Variants in AUTS2 observed in about 807,000 individuals in gnomAD.
AUTS2 encodes autism susceptibility gene 2 protein.
AUTS2 carries 17 observed loss-of-function variants against 112.4 expected under a neutral mutation model. That is an observed-to-expected ratio of 0.15 (90% CI 0.10 to 0.23). AUTS2 has a LOEUF of 0.23. AUTS2 is among the 10% of genes least tolerant of loss of function. The pLI is 1.00. For synonymous variants in AUTS2, 751 were observed against 702.7 expected, an observed-to-expected ratio of 1.07 and a Z score of -1.09; for missense variants, 1,510 against 1,701.6, an observed-to-expected ratio of 0.89 and a Z score of 1.98.
At chr7:69,787,169 G>T (rs559857045) in intron 1 of AUTS2, among the ~76,000 whole-genome samples, 1 of 152,310 alleles carries the variant, frequency 6.6e-6, no homozygotes, top group African/African-American at 2.4e-5. Flanking sequence ...ACACTGATTT[G>T]CTCCTGACGT....
chr7:70,329,270 T>G (rs1790637574), intron 4 of AUTS2, among the ~76,000 whole-genome samples: 1 of 152,182 alleles, frequency 6.6e-6, no homozygotes, highest in African/African-American at 2.4e-5. Context: ...ATGTACCTCG[T>G]TTTGGTTCTT....
At chr7:70,229,287 G>A in intron 4 of AUTS2, among the ~76,000 whole-genome samples, 1 of 151,976 alleles carries the variant, frequency 6.6e-6, no homozygotes, top group East Asian at 1.9e-4. Flanking sequence ...GTCTTTAATA[G>A]GGGATTTCTT....
intron 1 of AUTS2, among the ~76,000 whole-genome samples, chr7:69,832,807 T>C (rs570242916): frequency 2.0e-5 from 3 of 152,276 alleles, no homozygotes; most frequent in African/African-American, 7.2e-5. Flanking sequence ...ATACCTTCTA[T>C]CCCTAACAAC....
rs904323092 is a variant in AUTS2 at position 69,599,517 on chromosome 7, C to A, written c.-137C>A. The A allele has an allele frequency of 1.3e-6, 1 of 768,306 alleles. No individual in the cohort carries two copies. The highest frequency in any genetic ancestry group is 1.8e-5 in the African/African-American group (1 of 55,042). 47.6% of individuals were successfully genotyped at this position (768,306 alleles called of 1,614,324 possible). On this transcript the variant is annotated 5_prime_UTR_variant, in exon 1 of 19. Transcript: ENST00000342771. This position sits in a 1 kb window ranked among gnomAD's most constrained non-coding sequence, Gnocchi z 7.0. ...CTTCCCCTCTCTCCCTTCTTTCGGC[C>A]GCCGTCTCCCCCGCGCCCTCCTCGG...
At chr7:70,571,944 T>TTAA (rs1801960403) in intron 5 of AUTS2, among the ~76,000 whole-genome samples, 2 of 152,182 alleles carry the variant, frequency 1.3e-5, no homozygotes. Flanking sequence ...CTTTGGGGTA[T>TTAA]TAATGACTGT....
rs1789683320 is a variant in AUTS2, at chr7:70,763,193, C to T, written c.1066C>T (p.Pro356Ser). 1 of 1,614,070 alleles carries T rather than the reference C, an allele frequency of 6.2e-7. No individual in the cohort carries two copies. Among genetic ancestry groups the T allele is most frequent in the Non-Finnish European group, 8.5e-7 (1 of 1,179,996 alleles). Residue 356 changes from proline (P) to serine (S), a missense_variant, in exon 7 of 19, where the codon CCT becomes TCT. This residue lies in a region of AUTS2 where 535 missense variants were observed against 594.3 expected (regional missense o/e 0.90). Transcript: ENST00000342771. ...PEAQLQPAPQ[P>S]QVQRPPRPQS... ...GGCCCAGCTCCAGCCTGCCCCGCAG[C>T]CTCAGGTGCAGAGGCCACCCAGGCC...
intron 4 of AUTS2, among the ~76,000 whole-genome samples, chr7:70,259,321 T>A (rs2129606822): frequency 6.6e-6 from 1 of 152,272 alleles, no homozygotes; most frequent in South Asian, 2.1e-4. Flanking sequence ...TTTCCTTCTT[T>A]TTTTGTAAAA....
chr7:70,297,673 A>G (rs1296497346), intron 4 of AUTS2, among the ~76,000 whole-genome samples: 1 of 151,840 alleles, frequency 6.6e-6, no homozygotes. Context: ...TGACCTCGTG[A>G]TCCTCCCGCC....
At chr7:70,698,443 A>T in intron 5 of AUTS2, 126 bp from the exon 6 acceptor site, 1 of 746,392 alleles carries the variant, frequency 1.3e-6, no homozygotes, top group South Asian at 2.0e-5. Context: ...TGATTTGGGG[A>T]CATTGCTGCT....
At chr7:69,788,877 G>C (rs924058256) in intron 1 of AUTS2, among the ~76,000 whole-genome samples, 1 of 151,996 alleles carries the variant, frequency 6.6e-6, no homozygotes, top group Admixed American at 6.6e-5. Flanking sequence ...CTGATTAGCT[G>C]TCCGGTTCAG....
At chr7:70,606,436 T>C (rs1396240422) in intron 5 of AUTS2, among the ~76,000 whole-genome samples, 1 of 152,206 alleles carries the variant, frequency 6.6e-6, no homozygotes, top group African/African-American at 2.4e-5. Context: ...ATTTGGTCAA[T>C]AGCATTTACT....
chr7:70,633,893 A>G (rs1482889042), intron 5 of AUTS2, among the ~76,000 whole-genome samples: 1 of 152,168 alleles, frequency 6.6e-6, no homozygotes, highest in African/African-American at 2.4e-5. Flanking sequence ...AATGTTCATC[A>G]TTGTCGGATG....
chr7:70,392,064 C>T lies in AUTS2; in HGVS notation c.661-43688C>T, dbSNP rs568624911. Among the ~76,000 whole-genome samples the T allele has an allele frequency of 9.9e-5, 15 of 152,246 alleles. No homozygotes were observed. In the East Asian group the frequency reaches 2.7e-3, roughly 27 times the overall value. On this transcript the variant is annotated intron_variant, in intron 4 of 18. Coordinates refer to ENST00000342771, the MANE Select transcript of AUTS2 (RefSeq NM_015570.4). Reference sequence around the variant, plus strand: ...CTGGCCCATGATTTGATTGCCTGACCACCTTCAAAACGGGTTAGATAACTC... The same window carrying T: ...CTGGCCCATGATTTGATTGCCTGACTACCTTCAAAACGGGTTAGATAACTC...
At chr7:69,701,056 A>G (rs1163615167) in intron 1 of AUTS2, among the ~76,000 whole-genome samples, 1 of 152,180 alleles carries the variant, frequency 6.6e-6, no homozygotes, top group African/African-American at 2.4e-5. Context: ...CTGCTTTGCC[A>G]CTGCTAGATG....
rs202088453 is a variant in AUTS2 at position 70,518,465 on chromosome 7, G to A, written c.690+82684G>A. Among the ~76,000 whole-genome samples, 11 of 152,100 alleles carry A rather than the reference G, an allele frequency of 7.2e-5. No homozygotes were observed. The East Asian group carries it at 1.6e-3, about 22-fold the overall frequency. On this transcript the variant is annotated intron_variant, in intron 5 of 18. Coordinates refer to ENST00000342771, the MANE Select transcript of AUTS2 (RefSeq NM_015570.4). Reference sequence around the variant, plus strand: ...TGGGAGACCAAGGCGGGCGGATCACGAGGTCAGGAGATCAAGACCATCCTG... The same window carrying A: ...TGGGAGACCAAGGCGGGCGGATCACAAGGTCAGGAGATCAAGACCATCCTG...
chr7:70,191,344 T>C (rs746130325), intron 4 of AUTS2, among the ~76,000 whole-genome samples: 1 of 151,976 alleles, frequency 6.6e-6, no homozygotes, highest in Non-Finnish European at 1.5e-5. Flanking sequence ...ATTTTGTTTT[T>C]GTATTTTTAG....
intron 4 of AUTS2, among the ~76,000 whole-genome samples, chr7:70,232,156 C>G (rs1562806405): frequency 6.6e-6 from 1 of 152,134 alleles, no homozygotes; most frequent in Non-Finnish European, 1.5e-5. Context: ...TTTTACTCAA[C>G]ATAGTAACTT....
At position 70,559,084 on chromosome 7, in the gene AUTS2, C is replaced by T. The variant is rs113721365; in HGVS notation, c.690+123303C>T. Among the ~76,000 whole-genome samples, 248 of 152,232 alleles carry T rather than the reference C, an allele frequency of 1.6e-3. 1 individual carries two copies. Among genetic ancestry groups the T allele is most frequent in the African/African-American group, 5.6e-3 (234 of 41,548 alleles). ...TTCTCGTGATAGTGAATAAGTCTCA[C>T]GAGATCTGATGGTTTTATAGAAGGG... On this transcript the variant is annotated intron_variant, in intron 5 of 18. Transcript: ENST00000342771.
intron 6 of AUTS2, among the ~76,000 whole-genome samples, chr7:70,704,787 T>C (rs1809649574): frequency 1.3e-5 from 2 of 152,256 alleles, no homozygotes; most frequent in Non-Finnish European, 2.9e-5. Flanking sequence ...TTCTAGTTTC[T>C]GACAACTGCA....
Sources: allele counts gnomAD v4.1 joint callset (sites outside exome capture counted in the v4.1 genomes callset), GRCh38; gene constraint gnomAD v4.1.1; regional missense constraint gnomAD v4.1.1; non-coding constraint Gnocchi (gnomAD v3.1); transcripts MANE v1.5; gene names NCBI Gene and HGNC (gene_info 2026-07-23, HGNC 2026-07-21).